The following TMTC1 variants were observed in gnomAD, a reference collection of about 807,000 sequenced individuals.
TMTC1 encodes the protein protein O-mannosyl-transferase TMTC1.
A neutral mutation model predicts 104.8 loss-of-function variants in TMTC1; 73 were observed. The ratio of observed to expected loss-of-function variants is 0.70; its 90% CI spans 0.58 to 0.85. TMTC1 has a LOEUF of 0.85. Ranked by LOEUF, TMTC1 falls within the 40% of genes least tolerant of loss-of-function variation. TMTC1 has a pLI of 0.00. For synonymous variants in TMTC1, 434 were observed against 428.7 expected (o/e 1.01, Z -0.15); for missense variants, 1,035 against 1,096.1 (o/e 0.94, Z 0.79).
At chr12:29,767,846 A>G (rs1943505419) in intron 2 of TMTC1, 52 bp downstream of exon 2, 1 of 1,520,136 alleles carries the variant, frequency 6.6e-7, no homozygotes, top group Non-Finnish European at 9.0e-7. Flanking sequence ...GTATACACGT[A>G]TACATACACA....
At chr12:29,777,219 C>T (rs1180630290) in intron 1 of TMTC1, among the ~76,000 whole-genome samples, 2 of 151,974 alleles carry the variant, frequency 1.3e-5, no homozygotes, top group East Asian at 1.9e-4. Flanking sequence ...CTCAGCCTCC[C>T]GAGCAGCTGG....
rs1265786871 is a variant in TMTC1 at position 29,737,849 on chromosome 12, C to T, written c.938+13817G>A. Reference sequence around the variant, plus strand: ...GGGCGTGGTGACAGTTAATGAGCTGCACGCTGTTTACCTCCTGGCTTACAA... The same window carrying T: ...GGGCGTGGTGACAGTTAATGAGCTGTACGCTGTTTACCTCCTGGCTTACAA... On this transcript the variant is annotated intron_variant, in intron 5 of 17. Transcript: ENST00000539277. Among the ~76,000 whole-genome samples, 3 of 152,292 alleles carry T rather than the reference C, an allele frequency of 2.0e-5. No homozygotes were observed. The East Asian group carries it at 5.8e-4, about 29-fold the overall frequency.
intron 6 of TMTC1, among the ~76,000 whole-genome samples, chr12:29,609,307 C>T (rs1330550659): frequency 6.6e-6 from 1 of 152,168 alleles, no homozygotes; most frequent in Non-Finnish European, 1.5e-5. Context: ...GTAAAGCTCC[C>T]CTCTTCAGCC....
At chr12:29,626,046 A>G (rs1167906586) in intron 6 of TMTC1, among the ~76,000 whole-genome samples, 1 of 152,202 alleles carries the variant, frequency 6.6e-6, no homozygotes, top group Non-Finnish European at 1.5e-5. Flanking sequence ...CTAGACTAAA[A>G]TCTATTTGAA....
chr12:29,682,280 G>C (rs1940944239), intron 5 of TMTC1, among the ~76,000 whole-genome samples: 1 of 152,102 alleles, frequency 6.6e-6, no homozygotes, highest in Admixed American at 6.5e-5. Context: ...AGAGAAACAG[G>C]ATCTCTCCTA....
At position 29,752,752 on chromosome 12, in the gene TMTC1, T is replaced by C. The variant is rs553262572; in HGVS notation, c.732-880A>G. 6.1e-4 allele frequency among the ~76,000 whole-genome samples: 92 copies of C among 152,050 alleles called. No individual in the cohort carries two copies. In the South Asian group the frequency reaches 6.2e-3, roughly 10 times the overall value. On this transcript the variant is annotated intron_variant, in intron 4 of 17. Coordinates refer to ENST00000539277, the MANE Select transcript of TMTC1 (RefSeq NM_001193451.2). ...AAAAAAAAGCAAGTGATACCATTTA[T>C]GTAAAGTTTGAAAGTATGTAAAATA... is the stretch of plus-strand genomic sequence containing the variant.
At chr12:29,587,678 G>A (rs1437159572) in intron 7 of TMTC1, among the ~76,000 whole-genome samples, 1 of 152,144 alleles carries the variant, frequency 6.6e-6, no homozygotes, top group African/African-American at 2.4e-5. Flanking sequence ...GCAAGTTTGT[G>A]TAAAGCCATC....
intron 5 of TMTC1, among the ~76,000 whole-genome samples, chr12:29,737,502 G>A (rs1565804371): frequency 2.0e-5 from 3 of 152,038 alleles, no homozygotes; most frequent in Middle Eastern, 3.4e-3. Flanking sequence ...CAACAAGAGT[G>A]AAACTCCGTC....
intron 5 of TMTC1, among the ~76,000 whole-genome samples, chr12:29,749,071 A>C (rs1035634473): frequency 1.3e-5 from 2 of 152,168 alleles, no homozygotes; most frequent in African/African-American, 4.8e-5. Context: ...AATCAGCCAC[A>C]GTGGGAGTAT....
rs66652706 is a variant in TMTC1 at position 29,668,454 on chromosome 12, C to CTTTTTTTTTTTTTTTT, written c.939-35134_939-35119dup. ...CCACATTCAAACCATACCAACTTAT[C>CTTTTTTTTTTTTTTTT]TTTTTTTTTTTTTTTTTTTTTTTTG... is the stretch of plus-strand genomic sequence containing the variant. On this transcript the variant is annotated intron_variant, in intron 5 of 17. Transcript: ENST00000539277. 1.3e-3 allele frequency among the ~76,000 whole-genome samples: 115 copies of CTTTTTTTTTTTTTTTT among 90,082 alleles called. 7 individuals carry two copies. Among genetic ancestry groups the CTTTTTTTTTTTTTTTT allele is most frequent in the Middle Eastern group, 0.013 (2 of 158 alleles). 59.1% of individuals were successfully genotyped at this position (90,082 alleles called of 152,430 possible).
intron 6 of TMTC1, among the ~76,000 whole-genome samples, chr12:29,618,994 G>A (rs2136453936): frequency 6.6e-6 from 1 of 152,240 alleles, no homozygotes; most frequent in African/African-American, 2.4e-5. Flanking sequence ...TAAAAATTAA[G>A]ATTCCTTCTC....
At chr12:29,536,676 C>T (rs905696874) in intron 10 of TMTC1, among the ~76,000 whole-genome samples, 2 of 152,116 alleles carry the variant, frequency 1.3e-5, no homozygotes, top group Non-Finnish European at 2.9e-5. Context: ...GGCATGAGAG[C>T]CAATTTACAA....
At chr12:29,640,415 C>A (rs1938783319) in intron 5 of TMTC1, 1 of 152,152 alleles carries the variant, frequency 6.6e-6, no homozygotes, top group East Asian at 1.9e-4. Flanking sequence ...GACCCACAGA[C>A]CCTCTTAAGG....
chr12:29,531,851 C>T (rs1944513167), intron 11 of TMTC1, among the ~76,000 whole-genome samples: 1 of 152,064 alleles, frequency 6.6e-6, no homozygotes, highest in South Asian at 2.1e-4. Flanking sequence ...TCTCTTCTTC[C>T]TTTCCACTCC....
chr12:29,759,081 A>C (rs1461848154), intron 2 of TMTC1, among the ~76,000 whole-genome samples: 3 of 152,214 alleles, frequency 2.0e-5, no homozygotes, highest in Admixed American at 6.5e-5. Context: ...TAACTTATTC[A>C]AAAAAATTTT....
At chr12:29,669,428 G>A (rs565489962) in intron 5 of TMTC1, among the ~76,000 whole-genome samples, 17 of 152,290 alleles carry the variant, frequency 1.1e-4, no homozygotes, top group Admixed American at 3.9e-4. Flanking sequence ...ATAGTGCAGT[G>A]TTAGCATTGC....
intron 2 of TMTC1, among the ~76,000 whole-genome samples, chr12:29,765,023 T>C (rs956742007): frequency 2.2e-4 from 34 of 152,202 alleles, no homozygotes; most frequent in Non-Finnish European, 5.9e-5. Context: ...AGCACAGATT[T>C]CCAATTGTAC....
chr12:29,537,378 A>G (rs1944674409), intron 10 of TMTC1, among the ~76,000 whole-genome samples: 1 of 152,152 alleles, frequency 6.6e-6, no homozygotes, highest in Non-Finnish European at 1.5e-5. Context: ...GGTAGATATT[A>G]TTGTTCTATT....
chr12:29,624,725 T>A (rs938157885), intron 6 of TMTC1, among the ~76,000 whole-genome samples: 1 of 152,214 alleles, frequency 6.6e-6, no homozygotes, highest in African/African-American at 2.4e-5. Context: ...TCACCTAATA[T>A]TTGACAAATC....
Sources: gnomAD v4.1 joint callset for allele counts (sites outside exome capture counted in the v4.1 genomes callset) on GRCh38, gnomAD v4.1.1 for gene constraint, MANE v1.5 for transcripts, NCBI Gene and HGNC (gene_info 2026-07-23, HGNC 2026-07-21) for gene names.